FAM107A: variants seen among roughly 807,000 people sequenced by gnomAD.
The protein encoded by FAM107A is family with sequence similarity 107 member A, also known as actin-associated protein FAM107A.
In FAM107A, 19 loss-of-function variants were observed where a neutral mutation model predicts 13.7. The ratio of observed to expected loss-of-function variants is 1.38; its 90% CI spans 0.97 to 2.03. The LOEUF (loss-of-function observed/expected upper bound fraction) is 2.03, where lower values mean the gene tolerates loss of function less well. FAM107A is among the 30% of genes most tolerant of loss of function. FAM107A has a pLI of 0.00. For missense variants in FAM107A, 203 were observed against 184.4 expected (o/e 1.10, Z -0.58); for synonymous variants, 82 against 74.5 (o/e 1.10, Z -0.52).
At chr3:58,579,567 C>G (rs888883788), upstream of FAM107A, among the ~76,000 whole-genome samples, 1 of 152,144 alleles carries the variant, frequency 6.6e-6, no homozygotes, top group African/African-American at 2.4e-5. Context: ...TTTGCTGACC[C>G]TGGTTCCTTG....
intron 1 of FAM107A, among the ~76,000 whole-genome samples, chr3:58,574,553 T>C (rs772894652): frequency 2.6e-5 from 4 of 152,190 alleles, no homozygotes; most frequent in Admixed American, 6.5e-5. Flanking sequence ...GTCTCTAACC[T>C]CTGGGATGCT....
chr3:58,627,107 C>T, intron 1 of FAM107A: 3 of 1,041,458 alleles, frequency 2.9e-6, no homozygotes, highest in Non-Finnish European at 4.3e-6. Flanking sequence ...CGAGGGCCCC[C>T]TGTCCTCTTG....
Position 58,569,569 on chromosome 3 carries a change from C to G in FAM107A, c.170+122G>C. 2.5e-6 allele frequency: 2 copies of G among 814,758 alleles called. No homozygotes were observed. Among genetic ancestry groups the G allele is most frequent in the Non-Finnish European group, 1.9e-6 (1 of 513,348 alleles). The allele number at this position is 814,758 out of a possible 1,614,324, so 50.5% of individuals were successfully genotyped here. A position where few individuals can be genotyped will look rare whatever the true frequency, so the allele number is the denominator to read the frequency against. ...CCGGTGATCATGTGGGGCACCTCAG[C>G]CTTCCTCAGTCTCCAGGAGCCCCAG... is the stretch of plus-strand genomic sequence containing the variant. On this transcript the variant is annotated intron_variant, in intron 2 of 3. Transcript: ENST00000360997. The surrounding 1 kb of genome is among the most constrained non-coding windows in gnomAD (Gnocchi z 5.7).
At chr3:58,593,341 G>A (rs532389470) in intron 1 of FAM107A, among the ~76,000 whole-genome samples, 1 of 152,248 alleles carries the variant, frequency 6.6e-6, no homozygotes, top group East Asian at 1.9e-4. Context: ...TACTTGGACT[G>A]CACCCCAAAA....
upstream of FAM107A, among the ~76,000 whole-genome samples, chr3:58,582,728 G>A (rs769613353): frequency 2.0e-5 from 3 of 152,230 alleles, no homozygotes; most frequent in Non-Finnish European, 4.4e-5. Flanking sequence ...CCTTCACACC[G>A]TGGCTGCCAT....
chr3:58,617,352 C>T lies in FAM107A; in HGVS notation c.-70+10064G>A, dbSNP rs2065913198. 6.6e-6 allele frequency among the ~76,000 whole-genome samples: 1 copy of T among 152,160 alleles called. No homozygotes were observed. The highest frequency in any genetic ancestry group is 2.4e-5 in the African/African-American group (1 of 41,448). On this transcript the variant is annotated intron_variant, in intron 1 of 3. Coordinates refer to the FAM107A transcript ENST00000465970. The surrounding 1 kb of genome is among the most constrained non-coding windows in gnomAD (Gnocchi z 4.5). ...TGCCCCATTTCTGGCTGAGCTCCTG[C>T]AGGTTCTAGGTGTGACATCATCCCT...
chr3:58,598,192 C>T (rs2065723237), intron 1 of FAM107A, among the ~76,000 whole-genome samples: 1 of 152,204 alleles, frequency 6.6e-6, no homozygotes, highest in African/African-American at 2.4e-5. Context: ...CCTGCCACCT[C>T]TCTTTTCCAT....
intron 1 of FAM107A, among the ~76,000 whole-genome samples, chr3:58,602,089 C>G (rs763897009): frequency 6.6e-6 from 1 of 152,072 alleles, no homozygotes; most frequent in Non-Finnish European, 1.5e-5. Flanking sequence ...CACCAGGAAG[C>G]TGCTGAGTCT....
At chr3:58,579,459 T>G (rs2065502897), upstream of FAM107A, among the ~76,000 whole-genome samples, 1 of 152,212 alleles carries the variant, frequency 6.6e-6, no homozygotes, top group Non-Finnish European at 1.5e-5. Flanking sequence ...CTTGAGGCAC[T>G]ATGAATGGTA....
In FAM107A at chr3:58,569,960, T is replaced by A. The variant is rs1269836727; in HGVS notation, c.-5-95A>T. 7.5e-7 allele frequency: 1 copy of A among 1,325,902 alleles called. No homozygotes were observed. The highest frequency in any genetic ancestry group is 1.0e-6 in the Non-Finnish European group (1 of 969,188). The allele number at this position is 1,325,902 out of a possible 1,614,324, so 82.1% of individuals were successfully genotyped here. On this transcript the variant is annotated intron_variant, in intron 1 of 3. Coordinates refer to ENST00000360997, the MANE Select transcript of FAM107A (RefSeq NM_001076778.3). This position sits in a 1 kb window ranked among gnomAD's most constrained non-coding sequence, Gnocchi z 5.7. The stretch of plus-strand genomic sequence containing the variant: ...TGAAGGGCAAGGTTTTCATGTCAGA[T>A]GGACCTTGGCCACCTGCTACTGCGC...
At chr3:58,606,367 A>G (rs1395064970) in intron 1 of FAM107A, among the ~76,000 whole-genome samples, 3 of 152,206 alleles carry the variant, frequency 2.0e-5, no homozygotes, top group Admixed American at 2.0e-4. Flanking sequence ...AAGTGCTGGG[A>G]TTACAGGTGT....
intron 2 of FAM107A, among the ~76,000 whole-genome samples, chr3:58,567,892 A>G (rs1036805378): frequency 6.6e-6 from 1 of 152,090 alleles, no homozygotes; most frequent in Non-Finnish European, 1.5e-5. Flanking sequence ...AACATTTGAT[A>G]TGTTTACCAG....
chr3:58,624,610 G>C lies in FAM107A; in HGVS notation c.-70+2806C>G, dbSNP rs529030922. 1.8e-4 allele frequency among the ~76,000 whole-genome samples: 27 copies of C among 152,300 alleles called. No individual in the cohort carries two copies. The East Asian group carries it at 4.3e-3, about 24-fold the overall frequency. The stretch of plus-strand genomic sequence containing the variant: ...ATCTGTGGCTCCAAGGGTGGGCTCT[G>C]GTTGGCCTTAACCAACCACGTGATC... On this transcript the variant is annotated intron_variant, in intron 1 of 3. Transcript: ENST00000465970.
chr3:58,619,656 C>A (rs377571490), intron 1 of FAM107A, among the ~76,000 whole-genome samples: 49 of 152,354 alleles, frequency 3.2e-4, no homozygotes, highest in African/African-American at 1.1e-3. Context: ...TACCCAGCAC[C>A]TGCTCTGTCC....
chr3:58,566,522 G>C lies in FAM107A; in HGVS notation c.*66C>G. ...AGGGCCTGGGGCCCAGGGCTGCCAG[G>C]TACAGAAGGGCTGAAGGAGGCTGTC... On this transcript the variant is annotated 3_prime_UTR_variant, in exon 4 of 4. Transcript: ENST00000360997. 8.6e-7 allele frequency: 1 copy of C among 1,164,810 alleles called. No homozygotes were observed. Among genetic ancestry groups the C allele is most frequent in the Non-Finnish European group, 1.3e-6 (1 of 776,588 alleles). The allele number at this position is 1,164,810 out of a possible 1,614,324, so 72.2% of individuals were successfully genotyped here. A position where few individuals can be genotyped will look rare whatever the true frequency, so the allele number is the denominator to read the frequency against.
chr3:58,611,026 A>C (rs998927944), intron 1 of FAM107A, among the ~76,000 whole-genome samples: 4 of 152,122 alleles, frequency 2.6e-5, no homozygotes, highest in African/African-American at 9.7e-5. Context: ...TTCTCACGAG[A>C]TCTGAGGGTT....
intron 1 of FAM107A, among the ~76,000 whole-genome samples, chr3:58,603,459 C>G (rs1032420525): frequency 6.6e-6 from 1 of 152,148 alleles, no homozygotes; most frequent in African/African-American, 2.4e-5. Flanking sequence ...TCTTGAGGGA[C>G]AGCTCTCATG....
chr3:58,567,433 T>G (rs7637862), intron 2 of FAM107A, 69 bp from the exon 3 acceptor site: 518,233 of 1,507,714 alleles, frequency 0.34, 96,021 homozygotes, highest in East Asian at 0.76. Context: ...CAGGGCTGCT[T>G]CCTGCGGTGA....
chr3:58,567,066 G>T (rs1219552260), intron 3 of FAM107A, 142 bp downstream of exon 3: 2 of 1,024,650 alleles, frequency 2.0e-6, no homozygotes, highest in African/African-American at 1.6e-5. Context: ...GCAGAGGGAG[G>T]ACTCAGGCCA....
Sources: gnomAD v4.1 joint callset for allele counts (sites outside exome capture counted in the v4.1 genomes callset) on GRCh38, gnomAD v4.1.1 for gene constraint, Gnocchi (gnomAD v3.1) non-coding constraint, MANE v1.5 for transcripts, NCBI Gene and HGNC (gene_info 2026-07-23, HGNC 2026-07-21) for gene names.